The following FBXO11 variants were observed in gnomAD, a reference collection of about 807,000 sequenced individuals.
FBXO11 encodes the protein F-box protein 11.
A neutral mutation model predicts 117.0 loss-of-function variants in FBXO11; 13 were observed. The observed-to-expected ratio is 0.11, with a 90% confidence interval of 0.07 to 0.18. FBXO11 has a LOEUF of 0.18. FBXO11 is among the 10% of genes least tolerant of loss of function. FBXO11 has a pLI of 1.00. For synonymous variants in FBXO11, 490 were observed against 380.5 expected, an observed-to-expected ratio of 1.29 and a Z score of -3.35; for missense variants, 767 against 1,164.4, an observed-to-expected ratio of 0.66 and a Z score of 4.97.
chr2:47,813,494 C>T (rs1002532851), intron 17 of FBXO11, 117 bp from the exon 18 acceptor site: 34 of 675,432 alleles, frequency 5.0e-5, no homozygotes, highest in South Asian at 7.0e-5. Flanking sequence ...TGCAGTGGCG[C>T]GATCTTGGCT....
chr2:47,874,202 A>G (rs1675831256), intron 1 of FBXO11, among the ~76,000 whole-genome samples: 1 of 152,156 alleles, frequency 6.6e-6, no homozygotes, highest in Non-Finnish European at 1.5e-5. Context: ...CGATAGTGCG[A>G]GACTGTCTCA....
chr2:47,896,062 AAAC>A (rs1358064149), intron 1 of FBXO11, among the ~76,000 whole-genome samples: 1 of 152,208 alleles, frequency 6.6e-6, no homozygotes, highest in East Asian at 1.9e-4. Flanking sequence ...TTTCTAATTC[AAAC>A]AACTATTGCT....
intron 1 of FBXO11, 107 bp from the exon 2 acceptor site, chr2:47,839,876 G>T: frequency 1.1e-6 from 1 of 931,670 alleles, no homozygotes; most frequent in Non-Finnish European, 1.6e-6. Context: ...GCAGATGTAA[G>T]TTTTATATGA....
rs1208217796 is a variant in FBXO11, at chr2:47,891,019, T to TCC, written c.232+14468_232+14469dup. Among the ~76,000 whole-genome samples, 6 of 151,506 alleles carry TCC rather than the reference T, an allele frequency of 4.0e-5. No homozygotes were observed. In the East Asian group the frequency reaches 1.2e-3, roughly 29 times the overall value. On this transcript the variant is annotated intron_variant, in intron 1 of 22. Coordinates refer to ENST00000403359, the MANE Select transcript of FBXO11 (RefSeq NM_001190274.2). Reference sequence around the variant, plus strand: ...TAATTTTTTTTGTAGAGATGGAGTCTCCCTATGTTGCTCAGACTAGTATCA... The same window carrying TCC: ...TAATTTTTTTTGTAGAGATGGAGTCTCCCCCTATGTTGCTCAGACTAGTATCA...
chr2:47,862,255 G>T (rs1468342418), intron 1 of FBXO11, among the ~76,000 whole-genome samples: 1 of 152,076 alleles, frequency 6.6e-6, no homozygotes, highest in Non-Finnish European at 1.5e-5. Flanking sequence ...ATTTAAATCA[G>T]ATTTAAGTTA....
chr2:47,836,920 T>C (rs1381693180), intron 4 of FBXO11: 2 of 378,290 alleles, frequency 5.3e-6, no homozygotes, highest in Admixed American at 6.8e-5. Context: ...TTTTTTTTTG[T>C]AGAAATGAGG....
chr2:47,862,640 A>G (rs1674865876), intron 1 of FBXO11, among the ~76,000 whole-genome samples: 1 of 152,220 alleles, frequency 6.6e-6, no homozygotes, highest in Non-Finnish European at 1.5e-5. Flanking sequence ...AATATGCACA[A>G]TGTATAATTC....
chr2:47,810,524 T>C (rs1670539266), intron 18 of FBXO11, 98 bp from the exon 19 acceptor site: 2 of 654,612 alleles, frequency 3.1e-6, no homozygotes, highest in Non-Finnish European at 2.4e-6. Flanking sequence ...CTTATTTAAC[T>C]GCATGGTAAA....
rs372006376 is a variant in FBXO11 at position 47,900,715 on chromosome 2, T to C, written c.232+4774A>G. 9.8e-4 allele frequency among the ~76,000 whole-genome samples: 92 copies of C among 93,996 alleles called. 8 individuals are homozygous for C. Among genetic ancestry groups the C allele is most frequent in the Non-Finnish European group, 1.2e-3 (49 of 41,112 alleles). The allele number at this position is 93,996 out of a possible 152,430, so 61.7% of individuals were successfully genotyped here. On this transcript the variant is annotated intron_variant, in intron 1 of 22. Coordinates refer to ENST00000403359, the MANE Select transcript of FBXO11 (RefSeq NM_001190274.2). ...ACGTATACACACACGTGTATATATATACACGTATACACACACGTGTATATA... is the reference window on the plus strand; with the variant it reads ...ACGTATACACACACGTGTATATATACACACGTATACACACACGTGTATATA...
intron 1 of FBXO11, among the ~76,000 whole-genome samples, chr2:47,900,363 G>A (rs1238963212): frequency 6.6e-6 from 1 of 152,010 alleles, no homozygotes; most frequent in Non-Finnish European, 1.5e-5. Flanking sequence ...GAAAAATCAT[G>A]TTTCTTGTGC....
chr2:47,852,498 G>A (rs1485547349), intron 1 of FBXO11, among the ~76,000 whole-genome samples: 1 of 152,118 alleles, frequency 6.6e-6, no homozygotes, highest in African/African-American at 2.4e-5. Context: ...GGCAGTTCAG[G>A]CCATTAAAGT....
At chr2:47,861,957 G>A (rs1674810027) in intron 1 of FBXO11, among the ~76,000 whole-genome samples, 2 of 151,636 alleles carry the variant, frequency 1.3e-5, no homozygotes, top group Non-Finnish European at 2.9e-5. Context: ...CTGTTGCCCA[G>A]GCTGGAGTGC....
At chr2:47,890,800 T>C (rs995134615) in intron 1 of FBXO11, among the ~76,000 whole-genome samples, 4 of 145,740 alleles carry the variant, frequency 2.7e-5, no homozygotes, top group African/African-American at 1.0e-4. Context: ...CGAGACCCTG[T>C]CTAAAAAAAA....
chr2:47,865,506 G>A (rs1252997935), intron 1 of FBXO11, among the ~76,000 whole-genome samples: 1 of 152,212 alleles, frequency 6.6e-6, no homozygotes, highest in Non-Finnish European at 1.5e-5. Flanking sequence ...AAATAAAACA[G>A]GGGCCTAGGT....
At chr2:47,895,193 A>G (rs1486943413) in intron 1 of FBXO11, among the ~76,000 whole-genome samples, 1 of 152,194 alleles carries the variant, frequency 6.6e-6, no homozygotes, top group Non-Finnish European at 1.5e-5. Flanking sequence ...ATGCAGAAAA[A>G]TAAAAAGGAA....
chr2:47,895,676 A>G (rs1328852953), intron 1 of FBXO11, among the ~76,000 whole-genome samples: 3 of 152,210 alleles, frequency 2.0e-5, no homozygotes, highest in Non-Finnish European at 4.4e-5. Context: ...TCCACAATTT[A>G]AATAACTATA....
chr2:47,817,752 G>C (rs1671104258), intron 16 of FBXO11, among the ~76,000 whole-genome samples: 1 of 152,220 alleles, frequency 6.6e-6, no homozygotes, highest in Non-Finnish European at 1.5e-5. Flanking sequence ...GGGAATGGCT[G>C]CTTGGTGGAA....
rs991865053 is a variant in FBXO11 at position 47,906,438 on chromosome 2, G to A, written c.-718C>T. 6.6e-6 allele frequency among the ~76,000 whole-genome samples: 1 copy of A among 152,114 alleles called. No individual in the cohort carries two copies. Among genetic ancestry groups the A allele is most frequent in the African/African-American group, 2.4e-5 (1 of 41,424 alleles). ...CCTCCTCGTCAGCCCTGTCGCCGCT[G>A]CTTCTGCTGCTGCTCCGTGGCAGGA... On this transcript the variant is annotated 5_prime_UTR_variant, in exon 1 of 23. An upstream open reading frame in the 5' UTR gains an earlier in-frame stop. Coordinates refer to ENST00000403359, the MANE Select transcript of FBXO11 (RefSeq NM_001190274.2).
In FBXO11 at chr2:47,905,701, G is replaced by C. The variant is rs1211533218; in HGVS notation, c.20C>G (p.Ala7Gly). The C allele has an allele frequency of 6.6e-7, 1 of 1,522,918 alleles. No homozygotes were observed. Among genetic ancestry groups the C allele is most frequent in the Non-Finnish European group, 8.8e-7 (1 of 1,137,554 alleles). 94.3% of individuals were successfully genotyped at this position (1,522,918 alleles called of 1,614,324 possible). MNSVRAANRRPRRVSRP... is the reference protein window; with the variant it reads MNSVRAGNRRPRRVSRP... ...CGACACTCGCCTGGGTCTCCGGTTG[G>C]CGGCTCGGACGGAGTTCATTTGCCG... Residue 7 changes from alanine (A) to glycine (G), a missense_variant, in exon 1 of 23, where the codon GCC (alanine) becomes GGC (glycine). By Grantham distance (60) the Ala-to-Gly change is moderately conservative. Transcript: ENST00000403359.
Sources: gnomAD v4.1 joint callset for allele counts (sites outside exome capture counted in the v4.1 genomes callset) on GRCh38, gnomAD v4.1.1 for gene constraint, MANE v1.5 for transcripts, NCBI Gene and HGNC (gene_info 2026-07-23, HGNC 2026-07-21) for gene names.